Variants in RFX4 observed in about 807,000 individuals in gnomAD.
The protein encoded by RFX4 is regulatory factor X4, also known as transcription factor RFX4.
In RFX4, 10 loss-of-function variants were observed where a neutral mutation model predicts 95.0. The observed-to-expected ratio is 0.11, with a 90% confidence interval of 0.06 to 0.18. The LOEUF is 0.18. Ranked by LOEUF, RFX4 falls within the 10% of genes least tolerant of loss-of-function variation. The pLI, the probability that RFX4 is intolerant of heterozygous loss-of-function variation, is 1.00. For missense variants in RFX4, 640 were observed against 922.0 expected (o/e 0.69, Z 3.96); for synonymous variants, 321 against 340.7 (o/e 0.94, Z 0.64).
intron 3 of RFX4, chr12:106,645,766 T>G: frequency 1.9e-6 from 1 of 513,734 alleles, no homozygotes; most frequent in Non-Finnish European, 3.3e-6. Flanking sequence ...TTTTGTGACT[T>G]GATTCTTACT....
chr12:106,709,372 G>C lies in RFX4; in HGVS notation c.876G>C (p.Glu292Asp). 6.2e-7 allele frequency: 1 copy of C among 1,613,214 alleles called. No individual in the cohort carries two copies. Among genetic ancestry groups the C allele is most frequent in the Non-Finnish European group, 8.5e-7 (1 of 1,179,828 alleles). The change falls in exon 9 of 18, where the codon GAG becomes GAC. Residue 292 changes from glutamate to aspartate, a missense_variant. Glu to Asp is a conservative substitution (Grantham distance 45). This residue lies in a region of RFX4 where 96 missense variants were observed against 183.7 expected (regional missense o/e 0.52). Coordinates refer to ENST00000392842, the MANE Select transcript of RFX4 (RefSeq NM_213594.3). ...GAAAGTTTGCCAAGCAACTGGATGA[G>C]TGGCTAAAAGTGGCTCTCCACGACC... The part of the protein sequence containing the change: ...VIRKFAKQLD[E>D]WLKVALHDLP...
At chr12:106,717,751 T>C (rs1027349363) in intron 11 of RFX4, among the ~76,000 whole-genome samples, 2 of 152,202 alleles carry the variant, frequency 1.3e-5, no homozygotes, top group Non-Finnish European at 2.9e-5. Flanking sequence ...AACAATGTCA[T>C]GTAATACAGT....
chr12:106,625,723 A>T (rs948904506), intron 2 of RFX4, among the ~76,000 whole-genome samples: 2 of 152,192 alleles, frequency 1.3e-5, no homozygotes, highest in Non-Finnish European at 2.9e-5. Context: ...TCCCAAAATT[A>T]TATAATGAAA....
intron 2 of RFX4, among the ~76,000 whole-genome samples, chr12:106,610,102 T>A (rs1046820884): frequency 2.6e-5 from 4 of 152,034 alleles, no homozygotes; most frequent in African/African-American, 4.8e-5. Flanking sequence ...TGTTTCAAGT[T>A]TTTGATTATT....
At chr12:106,608,937 G>A in intron 2 of RFX4, 54 bp downstream of exon 2, 1 of 1,523,772 alleles carries the variant, frequency 6.6e-7, no homozygotes, top group South Asian at 1.2e-5. Flanking sequence ...CCAATGTCCT[G>A]ATGGGAGGGT....
chr12:106,665,960 T>C (rs1335313091), intron 4 of RFX4, among the ~76,000 whole-genome samples: 1 of 151,990 alleles, frequency 6.6e-6, no homozygotes, highest in South Asian at 2.1e-4. Context: ...CTTCACTTAT[T>C]CCTTCTTCAG....
intron 2 of RFX4, among the ~76,000 whole-genome samples, chr12:106,623,877 G>A (rs147161791): frequency 6.4e-4 from 98 of 152,306 alleles, no homozygotes; most frequent in African/African-American, 2.2e-3. Flanking sequence ...TTATTTAACC[G>A]AAGATGGGAA....
chr12:106,735,480 A>G (rs1457285100), intron 15 of RFX4, among the ~76,000 whole-genome samples: 2 of 152,192 alleles, frequency 1.3e-5, no homozygotes, highest in South Asian at 2.1e-4. Flanking sequence ...CCCAATGAAG[A>G]AAATCAAAGA....
intron 13 of RFX4, among the ~76,000 whole-genome samples, chr12:106,722,655 C>G (rs912023574): frequency 6.6e-5 from 10 of 152,072 alleles, no homozygotes; most frequent in Non-Finnish European, 1.0e-4. Flanking sequence ...AGATATTAAC[C>G]CAGTCTCAGT....
intron 16 of RFX4, 39 bp from the exon 17 acceptor site, chr12:106,750,616 C>G: frequency 6.7e-7 from 1 of 1,502,272 alleles, no homozygotes; most frequent in Non-Finnish European, 8.9e-7. Flanking sequence ...TCTGTTCTTG[C>G]TATTACTCAC....
chr12:106,678,712 AT>A (rs1276006711), intron 4 of RFX4, among the ~76,000 whole-genome samples: 2 of 152,174 alleles, frequency 1.3e-5, no homozygotes, highest in Admixed American at 6.5e-5. Flanking sequence ...TTATTCCTAT[AT>A]TTTTACAAAC....
intron 5 of RFX4, among the ~76,000 whole-genome samples, chr12:106,685,344 C>A (rs2041622034): frequency 6.6e-6 from 1 of 152,086 alleles, no homozygotes. Context: ...AGGTTCAAAT[C>A]CTGCCTCTGC....
At chr12:106,617,542 C>A (rs1253903494) in intron 2 of RFX4, among the ~76,000 whole-genome samples, 1 of 151,994 alleles carries the variant, frequency 6.6e-6, no homozygotes, top group Non-Finnish European at 1.5e-5. Context: ...CATAGATTTC[C>A]TAATTGTCTT....
At chr12:106,642,975 G>C (rs1372865895) in intron 3 of RFX4, among the ~76,000 whole-genome samples, 3 of 152,210 alleles carry the variant, frequency 2.0e-5, no homozygotes, top group Admixed American at 2.0e-4. Context: ...ATAGACAGAG[G>C]GGGTGTTAGG....
intron 1 of RFX4, among the ~76,000 whole-genome samples, chr12:106,598,471 C>CA (rs2039651665): frequency 1.3e-5 from 2 of 151,850 alleles, no homozygotes; most frequent in African/African-American, 2.4e-5. Flanking sequence ...CCAACACACA[C>CA]AAAAAAAGAA....
intron 8 of RFX4, among the ~76,000 whole-genome samples, chr12:106,697,169 C>T (rs1264735700): frequency 6.6e-6 from 1 of 152,098 alleles, no homozygotes; most frequent in Non-Finnish European, 1.5e-5. Context: ...ACCTGTGCTC[C>T]GAGCCTTAGG....
intron 2 of RFX4, among the ~76,000 whole-genome samples, chr12:106,627,404 G>A (rs777005329): frequency 3.3e-5 from 5 of 152,184 alleles, no homozygotes; most frequent in Admixed American, 2.0e-4. Flanking sequence ...GCATGGTGGC[G>A]GGCACCTGTA....
At position 106,586,169 on chromosome 12, in the gene RFX4, G is replaced by A. The variant is rs2039454727; in HGVS notation, c.43+2806G>A. 6.6e-6 allele frequency among the ~76,000 whole-genome samples: 1 copy of A among 152,178 alleles called. No homozygotes were observed. Among genetic ancestry groups the A allele is most frequent in the Non-Finnish European group, 1.5e-5 (1 of 68,034 alleles). On this transcript the variant is annotated intron_variant, in intron 1 of 17. Coordinates refer to ENST00000392842, the MANE Select transcript of RFX4 (RefSeq NM_213594.3). This position sits in a 1 kb window ranked among gnomAD's most constrained non-coding sequence, Gnocchi z 5.6. ...CGCGCGCCGCGGTGCTCCGGCAGGAGGCAAAGGCGACAGGCGCGCGCAGGG... is the reference window on the plus strand; with the variant it reads ...CGCGCGCCGCGGTGCTCCGGCAGGAAGCAAAGGCGACAGGCGCGCGCAGGG...
intron 6 of RFX4, among the ~76,000 whole-genome samples, chr12:106,688,960 A>G (rs931527578): frequency 2.0e-5 from 3 of 152,192 alleles, no homozygotes; most frequent in Non-Finnish European, 4.4e-5. Context: ...AGTGCTGGAT[A>G]CATGAGCATG....
Sources: allele counts gnomAD v4.1 joint callset (sites outside exome capture counted in the v4.1 genomes callset), GRCh38; gene constraint gnomAD v4.1.1; regional missense constraint gnomAD v4.1.1; non-coding constraint Gnocchi (gnomAD v3.1); transcripts MANE v1.5; gene names NCBI Gene and HGNC (gene_info 2026-07-23, HGNC 2026-07-21).